The following CAPZB variants were observed in gnomAD, a reference collection of about 807,000 sequenced individuals.
CAPZB encodes F-actin-capping protein subunit beta.
CAPZB carries 2 observed loss-of-function variants against 38.1 expected under a neutral mutation model. The ratio of observed to expected loss-of-function variants is 0.05; its 90% confidence interval spans 0.02 to 0.17. The LOEUF (loss-of-function observed/expected upper bound fraction) is 0.17, where lower values mean the gene tolerates loss of function less well. CAPZB is among the 10% of genes least tolerant of loss of function. The probability of loss-of-function intolerance (pLI) is 1.00; values close to 1 mark genes in which losing one functional copy is unlikely to be tolerated. For missense variants in CAPZB, 161 were observed against 334.2 expected (o/e 0.48, Z 4.04); for synonymous variants, 107 against 127.4 (o/e 0.84, Z 1.08).
intron 1 of CAPZB, among the ~76,000 whole-genome samples, chr1:19,479,887 G>T (rs900598415): frequency 1.4e-4 from 21 of 152,196 alleles, no homozygotes; most frequent in African/African-American, 4.8e-4. Flanking sequence ...GGCACCCCAT[G>T]GGCTCGCATC....
Position 19,467,398 on chromosome 1 carries a change from C to T in CAPZB, c.3+18038G>A, listed in dbSNP as rs1468476396. On this transcript the variant is annotated intron_variant, in intron 1 of 8. Coordinates refer to ENST00000264202, the MANE Select transcript of CAPZB (RefSeq NM_004930.5). Reference sequence around the variant, plus strand: ...AGAGGAACAGTCCCCTCCAGCGGCTCAGCTCTTGCGCTGAGGAGTGAGGCC... The same window carrying T: ...AGAGGAACAGTCCCCTCCAGCGGCTTAGCTCTTGCGCTGAGGAGTGAGGCC... Among the ~76,000 whole-genome samples the T allele has an allele frequency of 2.6e-5, 4 of 152,138 alleles. No homozygotes were observed. The East Asian group carries it at 5.8e-4, about 22-fold the overall frequency.
intron 4 of CAPZB, among the ~76,000 whole-genome samples, chr1:19,359,210 CTTTTTTTTT>C (rs57251931): frequency 3.5e-5 from 4 of 114,408 alleles, no homozygotes; most frequent in African/African-American, 1.0e-4. Flanking sequence ...TCTCTGTACT[CTTTTTTTTT>C]TTTTTTTTTT....
At chr1:19,343,430 G>C (rs114227666) in intron 8 of CAPZB, among the ~76,000 whole-genome samples, 299 of 152,358 alleles carry the variant, frequency 2.0e-3, no homozygotes, top group African/African-American at 7.0e-3. Flanking sequence ...CAGTGGGTGA[G>C]AGGGCTGGCC....
At chr1:19,345,666 G>A (rs1298425473) in intron 6 of CAPZB, among the ~76,000 whole-genome samples, 2 of 152,278 alleles carry the variant, frequency 1.3e-5, no homozygotes, top group Admixed American at 1.3e-4. Flanking sequence ...TGACACTGCA[G>A]GGGAAGCTTC....
intron 2 of CAPZB, among the ~76,000 whole-genome samples, chr1:19,402,183 C>G (rs1353535198): frequency 6.6e-6 from 1 of 152,196 alleles, no homozygotes; most frequent in Admixed American, 6.5e-5. Flanking sequence ...CTGTTCCCAC[C>G]AGGGCTGCGA....
chr1:19,435,680 G>GT (rs2094455978), intron 1 of CAPZB, among the ~76,000 whole-genome samples: 1 of 152,196 alleles, frequency 6.6e-6, no homozygotes. Flanking sequence ...ATCAGTCTCA[G>GT]ATGCAGAAAC....
Position 19,378,554 on chromosome 1 carries a change from G to T in CAPZB, c.315C>A (p.Asp105Glu), listed in dbSNP as rs943114234. 4 of 1,603,386 alleles carry T rather than the reference G, an allele frequency of 2.5e-6. No individual in the cohort carries two copies. In the African/African-American group the frequency reaches 4.0e-5, roughly 16 times the overall value. ...KLEVEANNAF[D>E]QYRDLYFEGG... ...AAATGACTCACAGGTCTCGATACTG[G>T]TCAAAGGCATTGTTGGCTTCCACCT... The change falls in exon 4 of 9, where the codon GAC (aspartate) becomes GAA (glutamate). Residue 105 changes from aspartate to glutamate, a missense_variant. By Grantham distance (45) the Asp-to-Glu change is conservative. Transcript: ENST00000264202.
intron 3 of CAPZB, among the ~76,000 whole-genome samples, chr1:19,383,477 A>G (rs992789095): frequency 1.3e-5 from 2 of 149,662 alleles, no homozygotes; most frequent in African/African-American, 4.9e-5. Context: ...TTAGCTGGGC[A>G]TGGTGATACA....
At chr1:19,350,251 G>A (rs1445065903) in intron 6 of CAPZB, among the ~76,000 whole-genome samples, 1 of 152,298 alleles carries the variant, frequency 6.6e-6, no homozygotes, top group African/African-American at 2.4e-5. Flanking sequence ...CGCAGCTCCT[G>A]TGCTGCAGCC....
At chr1:19,449,643 C>T (rs1310304534) in intron 1 of CAPZB, among the ~76,000 whole-genome samples, 1 of 151,864 alleles carries the variant, frequency 6.6e-6, no homozygotes, top group African/African-American at 2.4e-5. Flanking sequence ...CAAAAATTAG[C>T]TGGGCGTGGT....
intron 1 of CAPZB, chr1:19,484,108 A>G: frequency 2.7e-6 from 4 of 1,474,696 alleles, no homozygotes; most frequent in Non-Finnish European, 3.7e-6. Flanking sequence ...CAGGTTCCTC[A>G]AAAGTCTGGA....
intron 1 of CAPZB, among the ~76,000 whole-genome samples, chr1:19,437,922 T>C (rs2094463355): frequency 6.6e-6 from 1 of 152,226 alleles, no homozygotes; most frequent in African/African-American, 2.4e-5. Flanking sequence ...CCTAGGCTCC[T>C]TCCTCTAACA....
chr1:19,427,320 A>C (rs2094426539), intron 1 of CAPZB, among the ~76,000 whole-genome samples: 1 of 152,200 alleles, frequency 6.6e-6, no homozygotes, highest in African/African-American at 2.4e-5. Context: ...AGGCCTTCAG[A>C]GTTTGTTCTT....
At chr1:19,362,975 A>G (rs1481723783) in intron 4 of CAPZB, among the ~76,000 whole-genome samples, 1 of 152,208 alleles carries the variant, frequency 6.6e-6, no homozygotes, top group Non-Finnish European at 1.5e-5. Context: ...AAAGTGCTGG[A>G]GTCACCTGTT....
intron 1 of CAPZB, among the ~76,000 whole-genome samples, chr1:19,431,653 G>A (rs558922002): frequency 1.3e-5 from 2 of 151,854 alleles, no homozygotes; most frequent in Non-Finnish European, 2.9e-5. Flanking sequence ...CCCAGGAGGC[G>A]GAGCTTGCAG....
intron 2 of CAPZB, among the ~76,000 whole-genome samples, chr1:19,399,326 C>A (rs1385050524): frequency 2.6e-5 from 4 of 152,202 alleles, no homozygotes; most frequent in Non-Finnish European, 5.9e-5. Context: ...CACAGGTAGA[C>A]ATCCAGGAAA....
intron 2 of CAPZB, among the ~76,000 whole-genome samples, chr1:19,404,486 G>A (rs1570154914): frequency 6.7e-6 from 1 of 148,950 alleles, no homozygotes; most frequent in East Asian, 2.0e-4. Context: ...GGAGGCTGCA[G>A]TGAGACGAGA....
intron 2 of CAPZB, among the ~76,000 whole-genome samples, chr1:19,410,593 C>A (rs900436408): frequency 4.6e-5 from 7 of 152,170 alleles, no homozygotes; most frequent in South Asian, 4.1e-4. Flanking sequence ...GGCGGCTCCT[C>A]TGCTGGTCAA....
At chr1:19,450,427 A>G (rs1250366236) in intron 1 of CAPZB, among the ~76,000 whole-genome samples, 1 of 152,206 alleles carries the variant, frequency 6.6e-6, no homozygotes, top group Non-Finnish European at 1.5e-5. Flanking sequence ...GTTTTGGAGC[A>G]TTCTGGGTTT....
Sources: allele counts gnomAD v4.1 joint callset (sites outside exome capture counted in the v4.1 genomes callset), GRCh38; gene constraint gnomAD v4.1.1; transcripts MANE v1.5; gene names NCBI Gene and HGNC (gene_info 2026-07-23, HGNC 2026-07-21).